The following HLTF variants were observed in gnomAD, a reference collection of about 807,000 sequenced individuals.
HLTF encodes the protein DNA-dependent ATPase/E3 ubiquitin-protein ligase HLTF.
HLTF carries 127 observed loss-of-function variants against 129.4 expected under a neutral mutation model. The observed-to-expected ratio is 0.98, with a 90% CI of 0.85 to 1.14. The LOEUF (loss-of-function observed/expected upper bound fraction) is 1.14. Ranked by LOEUF, HLTF falls within the 50% of genes most tolerant of loss-of-function variation. The pLI is 0.00. For synonymous variants in HLTF, 332 were observed against 388.8 expected, an observed-to-expected ratio of 0.85 and a Z score of 1.72; for missense variants, 1,139 against 1,187.1, an observed-to-expected ratio of 0.96 and a Z score of 0.60.
At chr3:149,065,043 T>C (rs1718237697) in intron 8 of HLTF, among the ~76,000 whole-genome samples, 177 bp from the exon 9 acceptor site, 1 of 151,590 alleles carries the variant, frequency 6.6e-6, no homozygotes, top group African/African-American at 2.4e-5. Flanking sequence ...CAAACTGATT[T>C]AAAATTTTTT....
intron 2 of HLTF, chr3:149,083,563 A>G (rs1720070485): frequency 6.6e-6 from 1 of 152,074 alleles, no homozygotes; most frequent in African/African-American, 2.4e-5. Flanking sequence ...AAAGCTCAGA[A>G]ATGCATATGA....
chr3:149,054,054 A>T (rs931453775), intron 14 of HLTF, among the ~76,000 whole-genome samples: 2 of 152,164 alleles, frequency 1.3e-5, no homozygotes, highest in Non-Finnish European at 2.9e-5. Context: ...AATAAACCAA[A>T]AACTTATATA....
At chr3:149,033,742 A>G (rs905710247) in intron 24 of HLTF, among the ~76,000 whole-genome samples, 3 of 152,162 alleles carry the variant, frequency 2.0e-5, no homozygotes, top group Admixed American at 1.3e-4. Context: ...GTCACAAATC[A>G]TAAAACAAAA....
At position 149,031,993 on chromosome 3, in the gene HLTF, C is replaced by T; in HGVS notation, c.*227G>A. ...TGAATAACAAAGTAACCTTTTTTCTCAAATTATTTCAGGCCACAGTATATA... is the reference window on the plus strand; with the variant it reads ...TGAATAACAAAGTAACCTTTTTTCTTAAATTATTTCAGGCCACAGTATATA... On this transcript the variant is annotated 3_prime_UTR_variant, in exon 25 of 25. Coordinates refer to ENST00000310053, the MANE Select transcript of HLTF (RefSeq NM_003071.4). 1 of 309,710 alleles carries T rather than the reference C, an allele frequency of 3.2e-6. No homozygotes were observed. Among genetic ancestry groups the T allele is most frequent in the Non-Finnish European group, 5.8e-6 (1 of 172,402 alleles). The allele number at this position is 309,710 out of a possible 1,614,324, so 19.2% of individuals were successfully genotyped here. A position where few individuals can be genotyped will look rare whatever the true frequency, so the allele number is the denominator to read the frequency against.
chr3:149,080,205 A>G (rs1486853874), intron 2 of HLTF, among the ~76,000 whole-genome samples: 1 of 152,166 alleles, frequency 6.6e-6, no homozygotes, highest in Non-Finnish European at 1.5e-5. Flanking sequence ...AGATAATGGG[A>G]GTGACTACAA....
At chr3:149,081,221 T>C (rs1274095835) in intron 2 of HLTF, among the ~76,000 whole-genome samples, 1 of 148,426 alleles carries the variant, frequency 6.7e-6, no homozygotes, top group Non-Finnish European at 1.5e-5. Flanking sequence ...AAGCCTTTGA[T>C]GGGTCAAAAA....
intron 23 of HLTF, among the ~76,000 whole-genome samples, chr3:149,038,458 C>G (rs1715832703): frequency 6.6e-6 from 1 of 152,156 alleles, no homozygotes; most frequent in Non-Finnish European, 1.5e-5. Flanking sequence ...ACATTATTTA[C>G]TTTTCTGTGC....
intron 20 of HLTF, 34 bp from the exon 21 acceptor site, chr3:149,040,190 TAAC>T (rs1048514326): frequency 5.1e-6 from 8 of 1,577,708 alleles, no homozygotes; most frequent in Non-Finnish European, 6.9e-6. Flanking sequence ...GAGCAACACT[TAAC>T]AGAAGAACAA....
At position 149,075,894 on chromosome 3, in the gene HLTF, C is replaced by T; in HGVS notation, c.382G>A (p.Ala128Thr). The change falls in exon 3 of 25, where the codon GCA (alanine) becomes ACA (threonine). Residue 128 changes from alanine (A) to threonine (T), a missense_variant. Ala to Thr is a moderately conservative substitution (Grantham distance 58). Coordinates refer to ENST00000310053, the MANE Select transcript of HLTF (RefSeq NM_003071.4). ...ALAYIMDNKLAQIEGVVPFGA... is the reference protein window; with the variant it reads ...ALAYIMDNKLTQIEGVVPFGA... ...AAAGTACATTACCCTTCAATTTGTG[C>T]CAATTTGTTGTCCATGATATAGGCC... The T allele has an allele frequency of 6.3e-7, 1 of 1,594,134 alleles. No individual in the cohort carries two copies.
chr3:149,071,527 T>C, intron 6 of HLTF, 56 bp downstream of exon 6: 1 of 1,469,066 alleles, frequency 6.8e-7, no homozygotes. Flanking sequence ...AAAAGTAGAT[T>C]CTAAGTATAT....
intron 2 of HLTF, among the ~76,000 whole-genome samples, chr3:149,078,141 T>C (rs1290628478): frequency 6.6e-6 from 1 of 151,794 alleles, no homozygotes; most frequent in African/African-American, 2.4e-5. Context: ...GCAAAAAAAA[T>C]AAGAAAGTAT....
intron 3 of HLTF, among the ~76,000 whole-genome samples, chr3:149,075,516 C>T (rs1198746859): frequency 6.6e-6 from 1 of 152,208 alleles, no homozygotes; most frequent in East Asian, 1.9e-4. Flanking sequence ...TGCACTGCAG[C>T]CTGGGCAACA....
At position 149,039,063 on chromosome 3, in the gene HLTF, A is replaced by C. The variant is rs1166732532; in HGVS notation, c.2782T>G (p.Phe928Val). Reference sequence around the variant, plus strand: ...GAACTACTTACTGGATCCATTAAAAACACTCGAGAAGCTGCAGACAGATTC... The same window carrying C: ...GAACTACTTACTGGATCCATTAAAACCACTCGAGAAGCTGCAGACAGATTC... ...GLNLSAASRV[F>V]LMDPAWNPAA... The change falls in exon 23 of 25, where the codon TTT becomes GTT. Residue 928 changes from phenylalanine (F) to valine (V), a missense_variant. Phe to Val is a conservative substitution (Grantham distance 50, BLOSUM62 -1). Transcript: ENST00000310053. 1.3e-6 allele frequency: 2 copies of C among 1,573,626 alleles called. No individual in the cohort carries two copies. Among genetic ancestry groups the C allele is most frequent in the South Asian group, 2.4e-5 (2 of 83,628 alleles).
intron 24 of HLTF, among the ~76,000 whole-genome samples, chr3:149,033,286 A>T (rs752334813): frequency 1.3e-5 from 2 of 152,174 alleles, no homozygotes; most frequent in Non-Finnish European, 2.9e-5. Flanking sequence ...ATCTACATAA[A>T]TGGAGAAAGG....
intron 23 of HLTF, among the ~76,000 whole-genome samples, chr3:149,038,751 A>T (rs958283897): frequency 6.6e-6 from 1 of 152,118 alleles, no homozygotes; most frequent in Non-Finnish European, 1.5e-5. Flanking sequence ...GAGCTCAGGC[A>T]ATCCATTCAC....
At chr3:149,066,339 C>T (rs1447950364) in intron 8 of HLTF, among the ~76,000 whole-genome samples, 7 of 152,154 alleles carry the variant, frequency 4.6e-5, no homozygotes, top group African/African-American at 1.7e-4. Context: ...AGTCACTATG[C>T]CCAGCTTTGC....
chr3:149,039,612 T>C lies in HLTF; in HGVS notation c.2584A>G (p.Thr862Ala). 6.3e-7 allele frequency: 1 copy of C among 1,592,680 alleles called. No homozygotes were observed. Among genetic ancestry groups the C allele is most frequent in the Non-Finnish European group, 8.6e-7 (1 of 1,163,730 alleles). The change falls in exon 22 of 25, where the codon ACA (threonine) becomes GCA (alanine). Residue 862 changes from threonine to alanine, a missense_variant. Coordinates refer to ENST00000310053, the MANE Select transcript of HLTF (RefSeq NM_003071.4). ...GGTATTTCTATTAAAGACAGGAATG[T>C]TGTAAACTGAGAAACAACCAAACTT... ...IKSLVVSQFTTFLSLIEIPLK... is the reference protein window; with the variant it reads ...IKSLVVSQFTAFLSLIEIPLK...
intron 10 of HLTF, chr3:149,063,119 G>C: frequency 2.2e-6 from 1 of 462,786 alleles, no homozygotes. Flanking sequence ...CAGTGCAGTG[G>C]TGCGATCTTA....
At chr3:149,033,123 C>T (rs1280573371) in intron 24 of HLTF, among the ~76,000 whole-genome samples, 1 of 152,054 alleles carries the variant, frequency 6.6e-6, no homozygotes, top group Non-Finnish European at 1.5e-5. Flanking sequence ...CTCAACCTTA[C>T]ATATTTAATG....
Sources: gnomAD v4.1 joint callset for allele counts (sites outside exome capture counted in the v4.1 genomes callset) on GRCh38, gnomAD v4.1.1 for gene constraint, MANE v1.5 for transcripts, NCBI Gene and HGNC (gene_info 2026-07-23, HGNC 2026-07-21) for gene names.